The following ZMYM4 variants were observed in gnomAD, a reference collection of about 807,000 sequenced individuals.
The protein encoded by ZMYM4 is zinc finger MYM-type containing 4.
A neutral mutation model predicts 183.2 loss-of-function variants in ZMYM4; 31 were observed. The observed-to-expected ratio is 0.17, with a 90% CI of 0.13 to 0.23. The LOEUF is 0.23. ZMYM4 is among the 10% of genes least tolerant of loss of function. The pLI, the probability that ZMYM4 is intolerant of heterozygous loss-of-function variation, is 1.00. For synonymous variants in ZMYM4, 592 were observed against 631.2 expected (o/e 0.94, Z 0.93); for missense variants, 1,273 against 1,840.3 (o/e 0.69, Z 5.64).
At chr1:35,414,207 C>G (rs766512073) in intron 27 of ZMYM4, 124 bp downstream of exon 27, 4 of 637,038 alleles carry the variant, frequency 6.3e-6, no homozygotes, top group Non-Finnish European at 1.1e-5. Flanking sequence ...ATTTGGACTT[C>G]TGAGGAGACG....
intron 1 of ZMYM4, among the ~76,000 whole-genome samples, chr1:35,286,560 A>G (rs986260367): frequency 6.8e-6 from 1 of 146,176 alleles, no homozygotes; most frequent in Admixed American, 6.9e-5. Flanking sequence ...CTTATTTCCC[A>G]TTCACTCCTG....
intron 15 of ZMYM4, 130 bp from the exon 16 acceptor site, chr1:35,392,082 C>A: frequency 8.3e-7 from 1 of 1,210,530 alleles, no homozygotes. Context: ...CCCAGTTAAT[C>A]CTAAAGTGAC....
intron 21 of ZMYM4, 43 bp from the exon 22 acceptor site, chr1:35,398,821 G>A (rs762851846): frequency 6.3e-7 from 1 of 1,595,762 alleles, no homozygotes; most frequent in South Asian, 1.1e-5. Context: ...TCAAGATGAG[G>A]CTATTTTATT....
At chr1:35,310,651 T>G (rs1265629200) in intron 1 of ZMYM4, among the ~76,000 whole-genome samples, 1 of 152,140 alleles carries the variant, frequency 6.6e-6, no homozygotes, top group Non-Finnish European at 1.5e-5. Context: ...CAATCTCAGC[T>G]CACTGCAACC....
intron 5 of ZMYM4, 88 bp from the exon 6 acceptor site, chr1:35,369,941 A>G: frequency 1.2e-6 from 1 of 869,218 alleles, no homozygotes; most frequent in Non-Finnish European, 1.8e-6. Context: ...ACCTCTATAT[A>G]GTGGTAGTAA....
At chr1:35,404,419 A>T (rs1489147580) in intron 23 of ZMYM4, among the ~76,000 whole-genome samples, 2 of 152,098 alleles carry the variant, frequency 1.3e-5, no homozygotes, top group East Asian at 3.8e-4. Flanking sequence ...CTTTTTAAAA[A>T]TTTTCTTATT....
chr1:35,297,478 CA>C (rs548995290), intron 1 of ZMYM4, among the ~76,000 whole-genome samples: 414 of 126,620 alleles, frequency 3.3e-3, no homozygotes, highest in Middle Eastern at 0.013. Flanking sequence ...GTGCTTGTCA[CA>C]AAAAAAAAAA....
intron 1 of ZMYM4, among the ~76,000 whole-genome samples, chr1:35,280,099 CTTTCTT>C (rs1166571418): frequency 6.6e-6 from 1 of 151,748 alleles, no homozygotes; most frequent in Non-Finnish European, 1.5e-5. Context: ...CTCTCTTTCT[CTTTCTT>C]TTTGTTACTT....
chr1:35,354,851 C>G (rs764712857), intron 2 of ZMYM4, among the ~76,000 whole-genome samples: 7 of 151,224 alleles, frequency 4.6e-5, no homozygotes, highest in Non-Finnish European at 7.4e-5. Flanking sequence ...GCATTCCTAC[C>G]AGCAGTATTT....
chr1:35,420,994 C>A lies in ZMYM4; in HGVS notation c.*1317C>A, dbSNP rs1488330194. The stretch of plus-strand genomic sequence containing the variant: ...CCCTCATCTCCATTCTCAGTTTCTT[C>A]CCCACAAAATTTGGAATCAAAGCTT... On this transcript the variant is annotated 3_prime_UTR_variant, in exon 30 of 30. Coordinates refer to ENST00000314607, the MANE Select transcript of ZMYM4 (RefSeq NM_005095.3). 6.6e-6 allele frequency: 1 copy of A among 152,242 alleles called. No homozygotes were observed. The highest frequency in any genetic ancestry group is 1.5e-5 in the Non-Finnish European group (1 of 68,038). The allele number at this position is 152,242 out of a possible 1,614,324, so 9.4% of individuals were successfully genotyped here.
At chr1:35,350,705 G>T in intron 2 of ZMYM4, 1 of 374,958 alleles carries the variant, frequency 2.7e-6, no homozygotes, top group South Asian at 2.8e-5. Context: ...TGCAGACAAA[G>T]ATCTCTCTTC....
At chr1:35,400,246 G>C (rs1466717511) in intron 23 of ZMYM4, 1 of 116,944 alleles carries the variant, frequency 8.6e-6, no homozygotes, top group African/African-American at 3.6e-5. Context: ...CTGTCACCCA[G>C]GCTGGAGTGC....
intron 1 of ZMYM4, among the ~76,000 whole-genome samples, chr1:35,276,297 T>C (rs2148672472): frequency 7.4e-6 from 1 of 134,458 alleles, no homozygotes; most frequent in South Asian, 2.8e-4. Context: ...CTTCCCTCCT[T>C]TCCTTTCCTT....
intron 1 of ZMYM4, among the ~76,000 whole-genome samples, chr1:35,315,687 C>G (rs776282267): frequency 1.3e-5 from 2 of 152,096 alleles, no homozygotes; most frequent in Non-Finnish European, 2.9e-5. Flanking sequence ...AACCCTAGCA[C>G]TTTGGGAGGC....
At chr1:35,370,144 G>A (rs766927432) in intron 6 of ZMYM4, 31 bp downstream of exon 6, 4 of 1,603,722 alleles carry the variant, frequency 2.5e-6, no homozygotes, top group Middle Eastern at 1.7e-4. Context: ...AATGGATTGT[G>A]TATGTTCTGA....
chr1:35,383,955 AAAGT>A (rs3835699), intron 9 of ZMYM4, among the ~76,000 whole-genome samples: 9,725 of 152,176 alleles, frequency 0.064, 896 homozygotes, highest in East Asian at 0.44. Flanking sequence ...AGGATTATAG[AAAGT>A]AAGAATGAAA....
intron 2 of ZMYM4, among the ~76,000 whole-genome samples, chr1:35,334,469 T>A (rs556576095): frequency 1.1e-4 from 16 of 152,340 alleles, no homozygotes; most frequent in African/African-American, 3.8e-4. Flanking sequence ...TTAATTTGTA[T>A]GTTCTCAACT....
rs1008724603 is a variant in ZMYM4 at position 35,413,201 on chromosome 1, C to G, written c.3949-771C>G. 5.1e-4 allele frequency among the ~76,000 whole-genome samples: 77 copies of G among 152,048 alleles called. 1 individual carries two copies. Among genetic ancestry groups the G allele is most frequent in the African/African-American group, 1.8e-3 (76 of 41,436 alleles). On this transcript the variant is annotated intron_variant, in intron 26 of 29. Transcript: ENST00000314607. ...AGGACTACAGGCATGCACCACCACCCCTGGCTATTTGTTTTTAAATTTTTT... is the reference window on the plus strand; with the variant it reads ...AGGACTACAGGCATGCACCACCACCGCTGGCTATTTGTTTTTAAATTTTTT...
chr1:35,287,839 C>T lies in ZMYM4; in HGVS notation c.39+18754C>T, dbSNP rs182179776. 4.6e-5 allele frequency among the ~76,000 whole-genome samples: 7 copies of T among 152,156 alleles called. No homozygotes were observed. In the East Asian group the frequency reaches 7.8e-4, roughly 17 times the overall value. ...CAGGCTGGTCTCGAACTCCTGACCT[C>T]GCGGTCTACCAGCCTTGGCCTCCCA... On this transcript the variant is annotated intron_variant, in intron 1 of 29. Coordinates refer to ENST00000314607, the MANE Select transcript of ZMYM4 (RefSeq NM_005095.3).
Sources: gnomAD v4.1 joint callset for allele counts (sites outside exome capture counted in the v4.1 genomes callset) on GRCh38, gnomAD v4.1.1 for gene constraint, MANE v1.5 for transcripts, NCBI Gene and HGNC (gene_info 2026-07-23, HGNC 2026-07-21) for gene names.